Variants in KIAA0513 observed in about 807,000 individuals in gnomAD.
The protein encoded by KIAA0513 is KIAA0513.
A neutral mutation model predicts 56.5 loss-of-function variants in KIAA0513; 39 were observed. The ratio of observed to expected loss-of-function variants is 0.69; its 90% CI spans 0.53 to 0.90. The LOEUF is 0.90. Ranked by LOEUF, KIAA0513 falls within the 40% of genes least tolerant of loss-of-function variation. The pLI is 0.00. For missense variants in KIAA0513, 591 were observed against 535.2 expected (o/e 1.10, Z -1.03); for synonymous variants, 268 against 215.6 (o/e 1.24, Z -2.13).
Position 85,078,912 on chromosome 16 carries a change from T to A in KIAA0513, c.824-13T>A, listed in dbSNP as rs773356653. The A allele has an allele frequency of 6.2e-7, 1 of 1,613,888 alleles. No homozygotes were observed. The highest frequency in any genetic ancestry group is 8.5e-7 in the Non-Finnish European group (1 of 1,179,966). ...ACCAGAGCTGCTTTCAGCCATTCTC[T>A]CTCCTCCCACAGTGACCGCGTACAG... is the stretch of plus-strand genomic sequence containing the variant. On this transcript the variant is annotated splice_polypyrimidine_tract_variant and intron_variant, in intron 7 of 12. Transcript: ENST00000683363.
At position 85,086,637 on chromosome 16, in the gene KIAA0513, C is replaced by T. The variant is rs377197429; in HGVS notation, c.1011-7C>T. 6.2e-6 allele frequency: 10 copies of T among 1,613,278 alleles called. No individual in the cohort carries two copies. The highest frequency in any genetic ancestry group is 7.6e-6 in the Non-Finnish European group (9 of 1,179,774). ...AGCCCCGCTTCTGTCACCTCCTGTG[C>T]TTGCAGGGAGAAGTGGTGCCACATG... On this transcript the variant is annotated splice_polypyrimidine_tract_variant and splice_region_variant and intron_variant, in intron 10 of 12. Transcript: ENST00000683363.
In KIAA0513 at chr16:85,038,052, T is replaced by G. The variant is rs144338017; in HGVS notation, c.-173+10194T>G. 6.7e-3 allele frequency among the ~76,000 whole-genome samples: 1,020 copies of G among 152,322 alleles called. 6 individuals carry two copies. The highest frequency in any genetic ancestry group is 0.014 in the Middle Eastern group (4 of 294). ...ACCCTCTAGTTGCTCCTGGGATGTA[T>G]TCCCAAGTCTGTAACTTGGCCTGCA... is the stretch of plus-strand genomic sequence containing the variant. On this transcript the variant is annotated intron_variant, in intron 1 of 12. Coordinates refer to ENST00000683363, the MANE Select transcript of KIAA0513 (RefSeq NM_001388359.1).
At chr16:85,071,698 C>G (rs1410581907) in intron 2 of KIAA0513, 85 bp from the exon 3 acceptor site, 2 of 1,117,804 alleles carry the variant, frequency 1.8e-6, no homozygotes, top group Non-Finnish European at 2.5e-6. Flanking sequence ...TTCGTTAGTT[C>G]CTTCTCCTTG....
At chr16:85,087,353 C>T (rs2073821805) in intron 12 of KIAA0513, among the ~76,000 whole-genome samples, 187 bp downstream of exon 12, 1 of 152,216 alleles carries the variant, frequency 6.6e-6, no homozygotes, top group African/African-American at 2.4e-5. Context: ...CAGGACACCT[C>T]TCGTTCCATT....
chr16:85,043,137 A>G (rs1247177833), intron 1 of KIAA0513, among the ~76,000 whole-genome samples: 1 of 152,230 alleles, frequency 6.6e-6, no homozygotes, highest in Non-Finnish European at 1.5e-5. Flanking sequence ...TACTTTTTAA[A>G]TAGTAATTTT....
Position 85,077,385 on chromosome 16 carries a change from C to T in KIAA0513, c.575-40C>T, listed in dbSNP as rs753843835. 33 of 1,597,668 alleles carry T rather than the reference C, an allele frequency of 2.1e-5. 1 individual carries two copies. Among genetic ancestry groups the T allele is most frequent in the South Asian group, 1.1e-4 (10 of 89,712 alleles). On this transcript the variant is annotated intron_variant, in intron 5 of 12. Coordinates refer to ENST00000683363, the MANE Select transcript of KIAA0513 (RefSeq NM_001388359.1). ...CTCTGCAGTTAGCAGGCGCATACCC[C>T]AGCCTCACTGGCCTCGTCTTGTTCC...
intron 1 of KIAA0513, among the ~76,000 whole-genome samples, chr16:85,048,289 C>T (rs1051381443): frequency 3.9e-5 from 6 of 152,124 alleles, no homozygotes. Flanking sequence ...AGGCTTCGAC[C>T]GTCAGCACGC....
rs2073751109 is a variant in KIAA0513 at position 85,081,990 on chromosome 16, CT to C, written c.981-573del. Among the ~76,000 whole-genome samples, 2 of 152,244 alleles carry C rather than the reference CT, an allele frequency of 1.3e-5. No individual in the cohort carries two copies. Among genetic ancestry groups the C allele is most frequent in the African/African-American group, 4.8e-5 (2 of 41,474 alleles). On this transcript the variant is annotated intron_variant, in intron 9 of 12. Transcript: ENST00000683363. The surrounding 1 kb of genome is among the most constrained non-coding windows in gnomAD (Gnocchi z 4.4). ...ACATGACAGCGAGGGACGGCAGCCC[CT>C]GGGGGAGCCCCTTCCAGTCATGTGA... is the stretch of plus-strand genomic sequence containing the variant.
chr16:85,056,576 C>G (rs12932104), intron 1 of KIAA0513, among the ~76,000 whole-genome samples: 9,933 of 152,324 alleles, frequency 0.065, 359 homozygotes, highest in Middle Eastern at 0.099. Flanking sequence ...TTCCCCAAGT[C>G]TTCCCTGAGA....
At chr16:85,030,742 TAAAA>T (rs56905897) in intron 1 of KIAA0513, among the ~76,000 whole-genome samples, 2 of 134,266 alleles carry the variant, frequency 1.5e-5, no homozygotes. Flanking sequence ...AGACTCCATC[TAAAA>T]AAAAAAAAAA....
At chr16:85,084,050 C>A (rs943592979) in intron 10 of KIAA0513, among the ~76,000 whole-genome samples, 2 of 141,660 alleles carry the variant, frequency 1.4e-5, no homozygotes, top group African/African-American at 5.2e-5. Context: ...AAATTGAACT[C>A]TTCTAATTTT....
At chr16:85,050,606 G>A (rs780672149) in intron 1 of KIAA0513, among the ~76,000 whole-genome samples, 26 of 152,136 alleles carry the variant, frequency 1.7e-4, no homozygotes, top group African/African-American at 6.0e-4. Flanking sequence ...GTGAGCCGCC[G>A]TGCCCAGCCG....
chr16:85,044,824 A>C (rs2073149945), intron 1 of KIAA0513, among the ~76,000 whole-genome samples: 1 of 151,866 alleles, frequency 6.6e-6, no homozygotes, highest in Non-Finnish European at 1.5e-5. Flanking sequence ...TCCTCTTAAG[A>C]AAGAAGGCAT....
At chr16:85,051,554 G>A (rs551870914) in intron 1 of KIAA0513, among the ~76,000 whole-genome samples, 4 of 152,162 alleles carry the variant, frequency 2.6e-5, no homozygotes, top group South Asian at 2.1e-4. Flanking sequence ...TGGTGGCTCC[G>A]CCTTGCTGGA....
chr16:85,088,580 C>T lies in KIAA0513; in HGVS notation c.*255C>T, dbSNP rs113550717. ...AAAGCCGAGGTGACCAGTTGTACCC[C>T]GAGTGCCAGGCTTGTGAGATGAGAC... On this transcript the variant is annotated 3_prime_UTR_variant, in exon 13 of 13. Coordinates refer to ENST00000683363, the MANE Select transcript of KIAA0513 (RefSeq NM_001388359.1). 1.1e-3 allele frequency: 527 copies of T among 500,780 alleles called. No homozygotes were observed. The highest frequency in any genetic ancestry group is 2.8e-3 in the Admixed American group (81 of 29,424). 31.0% of individuals were successfully genotyped at this position (500,780 alleles called of 1,614,324 possible).
chr16:85,062,497 G>T (rs868825675), intron 1 of KIAA0513, among the ~76,000 whole-genome samples: 13 of 152,262 alleles, frequency 8.5e-5, no homozygotes, highest in Admixed American at 5.9e-4. Context: ...TCCTATCTGC[G>T]GTGACACAGA....
intron 10 of KIAA0513, among the ~76,000 whole-genome samples, chr16:85,086,212 G>A (rs1368406256): frequency 1.3e-5 from 2 of 152,180 alleles, no homozygotes; most frequent in African/African-American, 4.8e-5. Context: ...CGTTCCCTGG[G>A]CCACCAAGGC....
At chr16:85,072,290 T>A (rs2073588891) in intron 3 of KIAA0513, among the ~76,000 whole-genome samples, 1 of 152,188 alleles carries the variant, frequency 6.6e-6, no homozygotes, top group Non-Finnish European at 1.5e-5. Context: ...TTCAACTTTA[T>A]GAAATTCCGG....
chr16:85,087,027 C>A, intron 11 of KIAA0513, 45 bp from the exon 12 acceptor site: 1 of 1,581,520 alleles, frequency 6.3e-7, no homozygotes, highest in Non-Finnish European at 8.7e-7. Flanking sequence ...CCGGCCCTTT[C>A]CCCTGGGAGG....
Sources: allele counts gnomAD v4.1 joint callset (sites outside exome capture counted in the v4.1 genomes callset), GRCh38; gene constraint gnomAD v4.1.1; non-coding constraint Gnocchi (gnomAD v3.1); transcripts MANE v1.5; gene names NCBI Gene and HGNC (gene_info 2026-07-23, HGNC 2026-07-21).